The following PADI6 variants were observed in gnomAD, a reference collection of about 807,000 sequenced individuals.
PADI6 encodes inactive protein-arginine deiminase type-6.
PADI6 carries 66 observed loss-of-function variants against 78.2 expected under a neutral mutation model. That is an observed-to-expected ratio of 0.84 (90% CI 0.69 to 1.04). The LOEUF is 1.04. Among genes scored for constraint, PADI6 ranks in the 50% least tolerant of loss-of-function variants. The probability of loss-of-function intolerance (pLI) is 0.00; values close to 1 mark genes in which losing one functional copy is unlikely to be tolerated. For synonymous variants in PADI6, 397 were observed against 346.9 expected (o/e 1.14, Z -1.60); for missense variants, 854 against 866.1 (o/e 0.99, Z 0.18).
rs551828707 is a variant in PADI6, at chr1:17,375,880, TTC to T, written c.367+382_367+383del. On this transcript the variant is annotated intron_variant, in intron 3 of 15. Coordinates refer to ENST00000619609, the MANE Select transcript of PADI6 (RefSeq NM_207421.4). Reference sequence around the variant, plus strand: ...CTAGATCCTTTCTTATTCAAGAACATTCCTTTGTCAATTCTTACCAATGTAAG... The same window carrying T: ...CTAGATCCTTTCTTATTCAAGAACATCTTTGTCAATTCTTACCAATGTAAG... Among the ~76,000 whole-genome samples the T allele has an allele frequency of 2.8e-3, 428 of 152,318 alleles. 7 individuals are homozygous for T. The highest frequency in any genetic ancestry group is 0.021 in the Admixed American group (327 of 15,296).
At position 17,388,378 on chromosome 1, in the gene PADI6, T is replaced by C; in HGVS notation, c.680-3T>C. The stretch of plus-strand genomic sequence containing the variant: ...GCTGGTCCATCCCTTCTTTCTCTCC[T>C]AGAAGACAACTCCAGTACCTTTGAG... On this transcript the variant is annotated splice_polypyrimidine_tract_variant and splice_region_variant and intron_variant, in intron 6 of 15. Transcript: ENST00000619609. 1 of 1,608,252 alleles carries C rather than the reference T, an allele frequency of 6.2e-7. No homozygotes were observed. Among genetic ancestry groups the C allele is most frequent in the Non-Finnish European group, 8.5e-7 (1 of 1,177,242 alleles).
intron 3 of PADI6, among the ~76,000 whole-genome samples, chr1:17,376,473 TTTA>T (rs1289589884): frequency 6.6e-6 from 1 of 151,944 alleles, no homozygotes; most frequent in Non-Finnish European, 1.5e-5. Context: ...CTAATTTTTT[TTTA>T]TTTTTAGTGG....
intron 14 of PADI6, 37 bp from the exon 15 acceptor site, chr1:17,398,649 C>CGGGGGGGGGGGG: frequency 1.1e-5 from 1 of 91,312 alleles, no homozygotes; most frequent in Non-Finnish European, 2.0e-5. Context: ...TCTCCTTGCT[C>CGGGGGGGGGGGG]CCCCGCCCCC....
chr1:17,372,512 C>T (rs556101388), intron 1 of PADI6, among the ~76,000 whole-genome samples, 151 bp downstream of exon 1: 130 of 152,250 alleles, frequency 8.5e-4, no homozygotes, highest in African/African-American at 2.8e-3. Flanking sequence ...TGGGGGGCCT[C>T]CCAGTTCCAA....
In PADI6 at chr1:17,375,411, G is replaced by T. The variant is rs2075005326; in HGVS notation, c.295-16G>T. 2.5e-6 allele frequency: 4 copies of T among 1,607,500 alleles called. No homozygotes were observed. Among genetic ancestry groups the T allele is most frequent in the Non-Finnish European group, 3.4e-6 (4 of 1,176,656 alleles). On this transcript the variant is annotated splice_polypyrimidine_tract_variant and intron_variant, in intron 2 of 15. Coordinates refer to ENST00000619609, the MANE Select transcript of PADI6 (RefSeq NM_207421.4). The stretch of plus-strand genomic sequence containing the variant: ...CGTCCAACACTGCCTATGGTTTCGG[G>T]ATGCTGTCTCCACAGGTCTCGGTCA...
chr1:17,372,510 C>T, intron 1 of PADI6, 149 bp downstream of exon 1: 1 of 724,762 alleles, frequency 1.4e-6, no homozygotes, highest in African/African-American at 1.8e-5. Context: ...AGTGGGGGGC[C>T]TCCCAGTTCC....
chr1:17,400,067 G>A (rs558021507), intron 15 of PADI6, among the ~76,000 whole-genome samples: 120 of 152,008 alleles, frequency 7.9e-4, no homozygotes, highest in African/African-American at 2.7e-3. Context: ...AAAATGCTGG[G>A]TGTGGTGCCA....
intron 6 of PADI6, among the ~76,000 whole-genome samples, chr1:17,386,047 C>T (rs1347393370): frequency 1.1e-5 from 1 of 90,846 alleles, no homozygotes; most frequent in Non-Finnish European, 2.4e-5. Flanking sequence ...TTTAATATGC[C>T]CCCAGGGTGG....
chr1:17,374,148 G>C (rs1351331710), intron 2 of PADI6, among the ~76,000 whole-genome samples: 3 of 152,122 alleles, frequency 2.0e-5, no homozygotes, highest in African/African-American at 7.2e-5. Context: ...CACCCAGTGC[G>C]GGGCTGGGGG....
chr1:17,394,842 C>G (rs542460806), intron 11 of PADI6, 109 bp from the exon 12 acceptor site: 2 of 1,337,650 alleles, frequency 1.5e-6, no homozygotes, highest in African/African-American at 2.9e-5. Flanking sequence ...CGGCCTCTTT[C>G]ACACAACGGT....
intron 14 of PADI6, among the ~76,000 whole-genome samples, chr1:17,398,045 G>C (rs1198393033): frequency 6.6e-6 from 1 of 152,192 alleles, no homozygotes; most frequent in Non-Finnish European, 1.5e-5. Flanking sequence ...AAGAAGCAGA[G>C]TCTCCCCAAC....
Position 17,378,954 on chromosome 1 carries a change from T to TG in PADI6, c.368-966_368-965insG, listed in dbSNP as rs1161735428. On this transcript the variant is annotated intron_variant, in intron 3 of 15. Coordinates refer to ENST00000619609, the MANE Select transcript of PADI6 (RefSeq NM_207421.4). ...AGAATTGTCATGTATTGAATTTTTT[T>TG]TGGGGGGGGGGACAGAATCTTGCTC... Among the ~76,000 whole-genome samples the TG allele has an allele frequency of 1.1e-4, 15 of 131,850 alleles. 1 individual carries two copies. The highest frequency in any genetic ancestry group is 1.5e-4 in the Admixed American group (2 of 13,774). 86.5% of individuals were successfully genotyped at this position (131,850 alleles called of 152,430 possible). A position where few individuals can be genotyped will look rare whatever the true frequency, so the allele number is the denominator to read the frequency against.
intron 6 of PADI6, 40 bp from the exon 7 acceptor site, chr1:17,388,341 G>T: frequency 6.4e-7 from 1 of 1,552,400 alleles, no homozygotes; most frequent in Non-Finnish European, 8.8e-7. Context: ...CCGGCACCAG[G>T]TTACTTCAGT....
chr1:17,376,448 C>A (rs36067110), intron 3 of PADI6, among the ~76,000 whole-genome samples: 2,905 of 150,000 alleles, frequency 0.019, 37 homozygotes, highest in Middle Eastern at 0.036. Flanking sequence ...TATAGGTACC[C>A]GCCACCATGC....
intron 15 of PADI6, among the ~76,000 whole-genome samples, chr1:17,399,589 C>T (rs970063866): frequency 3.3e-5 from 5 of 150,664 alleles, no homozygotes; most frequent in African/African-American, 1.2e-4. Flanking sequence ...GACTGAAACT[C>T]CGTCTCTAAT....
chr1:17,379,563 C>T (rs1427086358), intron 3 of PADI6, among the ~76,000 whole-genome samples: 1 of 152,144 alleles, frequency 6.6e-6, no homozygotes, highest in Non-Finnish European at 1.5e-5. Context: ...CCATATTAAG[C>T]CTTTCCTATG....
In PADI6 at chr1:17,401,371, A is replaced by C; in HGVS notation, c.2018A>C (p.Asp673Ala). The C allele has an allele frequency of 6.2e-7, 1 of 1,614,072 alleles. No homozygotes were observed. Among genetic ancestry groups the C allele is most frequent in the South Asian group, 1.1e-5 (1 of 91,086 alleles). The change falls in exon 16 of 16, where the codon GAC (aspartate) becomes GCC (alanine). Residue 673 changes from aspartate to alanine, a missense_variant. Asp to Ala is a moderately radical substitution (Grantham distance 126). Transcript: ENST00000619609. The part of the protein sequence containing the change: ...DFDCYLTEVG[D>A]ICACANIRRV... ...GACTGTTACCTGACAGAGGTCGGAG[A>C]CATCTGTGCCTGTGCCAACATCCGC... is the stretch of plus-strand genomic sequence containing the variant.
At position 17,373,251 on chromosome 1, in the gene PADI6, A is replaced by G; in HGVS notation, c.294+18A>G. On this transcript the variant is annotated intron_variant, in intron 2 of 15. Transcript: ENST00000619609. ...CGGATAAGGTAAGCCTCAGGGGAAGAGGTGAGGGGCATCTCCCGGGGTGGG... is the reference window on the plus strand; with the variant it reads ...CGGATAAGGTAAGCCTCAGGGGAAGGGGTGAGGGGCATCTCCCGGGGTGGG... The G allele has an allele frequency of 6.2e-7, 1 of 1,610,960 alleles. No individual in the cohort carries two copies. The highest frequency in any genetic ancestry group is 8.5e-7 in the Non-Finnish European group (1 of 1,177,618).
chr1:17,390,330 T>C (rs1210586253), intron 8 of PADI6, among the ~76,000 whole-genome samples: 1 of 151,492 alleles, frequency 6.6e-6, no homozygotes, highest in Non-Finnish European at 1.5e-5. Flanking sequence ...CTGGGTGTGG[T>C]GGCTCATGCC....
Sources: allele counts gnomAD v4.1 joint callset (sites outside exome capture counted in the v4.1 genomes callset), GRCh38; gene constraint gnomAD v4.1.1; transcripts MANE v1.5; gene names NCBI Gene and HGNC (gene_info 2026-07-23, HGNC 2026-07-21).